The following PTPRG variants were observed in gnomAD, a reference collection of about 807,000 sequenced individuals.
PTPRG encodes the protein receptor-type tyrosine-protein phosphatase gamma.
Under a neutral mutation model 165.3 loss-of-function variants are expected in PTPRG, and 102 were observed. That is an observed-to-expected ratio of 0.62 (90% CI 0.53 to 0.73). The LOEUF (loss-of-function observed/expected upper bound fraction) is 0.73. Among genes scored for constraint, PTPRG ranks in the 30% least tolerant of loss-of-function variants. The probability of loss-of-function intolerance (pLI) is 0.00; values close to 1 mark genes in which losing one functional copy is unlikely to be tolerated. For synonymous variants in PTPRG, 675 were observed against 669.5 expected, an observed-to-expected ratio of 1.01 and a Z score of -0.13; for missense variants, 1,866 against 1,861.4, an observed-to-expected ratio of 1.00 and a Z score of -0.05.
chr3:62,098,130 G>A (rs1214452325), intron 5 of PTPRG, among the ~76,000 whole-genome samples: 1 of 152,054 alleles, frequency 6.6e-6, no homozygotes, highest in East Asian at 1.9e-4. Flanking sequence ...TATAGGGCTT[G>A]ACAATTTATC....
chr3:61,563,876 A>G (rs1232002239), intron 1 of PTPRG, among the ~76,000 whole-genome samples: 4 of 152,184 alleles, frequency 2.6e-5, no homozygotes, highest in Non-Finnish European at 5.9e-5. Context: ...CGAGGGGCAG[A>G]AAGGGAAAAC....
chr3:62,182,610 G>C (rs1436440463), intron 8 of PTPRG, among the ~76,000 whole-genome samples: 1 of 152,224 alleles, frequency 6.6e-6, no homozygotes, highest in African/African-American at 2.4e-5. Flanking sequence ...TCCTGGTCAA[G>C]GGCCTGACAT....
At chr3:61,864,210 A>G (rs1299781382) in intron 2 of PTPRG, among the ~76,000 whole-genome samples, 1 of 152,150 alleles carries the variant, frequency 6.6e-6, no homozygotes, top group Admixed American at 6.5e-5. Context: ...AATGTCACCT[A>G]GGGTAATAAG....
intron 6 of PTPRG, among the ~76,000 whole-genome samples, chr3:62,156,488 A>G (rs533683270): frequency 6.6e-6 from 1 of 152,144 alleles, no homozygotes; most frequent in South Asian, 2.1e-4. Context: ...TTAAATTTCT[A>G]GTTGTGCCTT....
At chr3:62,138,751 A>G (rs1030415995) in intron 6 of PTPRG, among the ~76,000 whole-genome samples, 1 of 151,288 alleles carries the variant, frequency 6.6e-6, no homozygotes, top group Non-Finnish European at 1.5e-5. Context: ...GACGAAATAC[A>G]TGTGCATTAT....
intron 1 of PTPRG, among the ~76,000 whole-genome samples, chr3:61,649,446 T>C (rs1575562934): frequency 6.6e-6 from 1 of 152,212 alleles, no homozygotes; most frequent in African/African-American, 2.4e-5. Flanking sequence ...TGGCACCTTA[T>C]TGATGCATCC....
At chr3:61,888,955 G>T (rs2038131462) in intron 2 of PTPRG, among the ~76,000 whole-genome samples, 1 of 152,204 alleles carries the variant, frequency 6.6e-6, no homozygotes, top group East Asian at 1.9e-4. Context: ...ATTTGATTTG[G>T]GTCATGCAGG....
chr3:61,908,411 CAAAA>C (rs776421819), intron 2 of PTPRG, among the ~76,000 whole-genome samples: 6 of 57,728 alleles, frequency 1.0e-4, no homozygotes, highest in Admixed American at 2.1e-4. Context: ...GGCAACAGAG[CAAAA>C]AAAAAAAAAA....
rs1404108131 is a variant in PTPRG at position 62,224,889 on chromosome 3, G to A, written c.2288+5906G>A. Among the ~76,000 whole-genome samples, 2 of 152,174 alleles carry A rather than the reference G, an allele frequency of 1.3e-5. No homozygotes were observed. Among genetic ancestry groups the A allele is most frequent in the Non-Finnish European group, 2.9e-5 (2 of 68,038 alleles). On this transcript the variant is annotated intron_variant, in intron 13 of 29. Coordinates refer to ENST00000474889, the MANE Select transcript of PTPRG (RefSeq NM_002841.4). This position sits in a 1 kb window ranked among gnomAD's most constrained non-coding sequence, Gnocchi z 4.9. ...AAAGGTCTGCCTTGAAGAGCTGTAGGAACCAGAATCTGTAAAAACACAGAA... is the reference window on the plus strand; with the variant it reads ...AAAGGTCTGCCTTGAAGAGCTGTAGAAACCAGAATCTGTAAAAACACAGAA...
At chr3:61,598,783 G>A (rs1197142465) in intron 1 of PTPRG, among the ~76,000 whole-genome samples, 1 of 152,058 alleles carries the variant, frequency 6.6e-6, no homozygotes, top group African/African-American at 2.4e-5. Flanking sequence ...GGGTCGTGAG[G>A]GAGAATCTGT....
intron 1 of PTPRG, among the ~76,000 whole-genome samples, chr3:61,740,184 T>C (rs1374788384): frequency 2.0e-5 from 3 of 152,230 alleles, no homozygotes; most frequent in African/African-American, 7.2e-5. Flanking sequence ...ACACCAACAC[T>C]GTCTGTCACT....
Position 62,195,794 on chromosome 3 carries a change from TG to T in PTPRG, c.1327+625del, listed in dbSNP as rs199933513. Among the ~76,000 whole-genome samples, 1,344 of 152,112 alleles carry T rather than the reference TG, an allele frequency of 8.8e-3. 8 individuals are homozygous for T. The highest frequency in any genetic ancestry group is 0.027 in the Middle Eastern group (8 of 294). ...CATAACATTTTAGTGGGATTTTTTT[TG>T]TTTGTTTGTTTGTTTTGAGATGAAG... On this transcript the variant is annotated intron_variant, in intron 10 of 29. Coordinates refer to ENST00000474889, the MANE Select transcript of PTPRG (RefSeq NM_002841.4). This position sits in a 1 kb window ranked among gnomAD's most constrained non-coding sequence, Gnocchi z 4.4.
At chr3:61,564,216 G>A (rs1346004820) in intron 1 of PTPRG, among the ~76,000 whole-genome samples, 1 of 152,214 alleles carries the variant, frequency 6.6e-6, no homozygotes, top group Non-Finnish European at 1.5e-5. Context: ...CTTTACCACG[G>A]ACTTGACGAC....
chr3:62,282,406 A>AT (rs1360526777), intron 27 of PTPRG, among the ~76,000 whole-genome samples: 2 of 148,722 alleles, frequency 1.3e-5, no homozygotes, highest in East Asian at 3.9e-4. Flanking sequence ...TTTTTTTTTA[A>AT]TTTTTTTAGA....
At chr3:62,070,687 T>C (rs1323374991) in intron 4 of PTPRG, among the ~76,000 whole-genome samples, 1 of 152,200 alleles carries the variant, frequency 6.6e-6, no homozygotes, top group Non-Finnish European at 1.5e-5. Flanking sequence ...TAGGAGCTTA[T>C]TTTACAAAAT....
chr3:62,174,279 G>A (rs549772529), intron 8 of PTPRG, among the ~76,000 whole-genome samples: 5 of 152,274 alleles, frequency 3.3e-5, no homozygotes, highest in Non-Finnish European at 7.4e-5. Flanking sequence ...TGTTCAAACC[G>A]CAGTGGAATC....
At chr3:62,275,999 T>TTATACTGGA in intron 24 of PTPRG, 33 bp downstream of exon 24, 1 of 1,485,770 alleles carries the variant, frequency 6.7e-7, no homozygotes, top group Non-Finnish European at 9.3e-7. Context: ...TAGTGATCTT[T>TTATACTGGA]TATACTGGAT....
chr3:61,824,699 G>T, intron 2 of PTPRG, among the ~76,000 whole-genome samples: 1 of 152,192 alleles, frequency 6.6e-6, no homozygotes, highest in South Asian at 2.1e-4. Flanking sequence ...GCTGAAGCAG[G>T]AGGATCAGTC....
chr3:61,734,698 T>TA lies in PTPRG; in HGVS notation c.86-14179dup, dbSNP rs138109481. On this transcript the variant is annotated intron_variant, in intron 1 of 29. Transcript: ENST00000474889. ...AAGATACAAAATGACTCTTCAACGT[T>TA]AGTGTATTTATTAAAAATAAAAAAG... Among the ~76,000 whole-genome samples, 349 of 152,312 alleles carry TA rather than the reference T, an allele frequency of 2.3e-3. 13 individuals carry two copies. The East Asian group carries it at 0.063, about 28-fold the overall frequency.
Sources: gnomAD v4.1 joint callset for allele counts (sites outside exome capture counted in the v4.1 genomes callset) on GRCh38, gnomAD v4.1.1 for gene constraint, Gnocchi (gnomAD v3.1) non-coding constraint, MANE v1.5 for transcripts, NCBI Gene and HGNC (gene_info 2026-07-23, HGNC 2026-07-21) for gene names.